Variants in SPRTN observed in about 807,000 individuals in gnomAD.
The protein encoded by SPRTN is SprT-like N-terminal domain.
In SPRTN, 11 loss-of-function variants were observed where a neutral mutation model predicts 31.9. The observed-to-expected ratio is 0.34, with a 90% confidence interval of 0.22 to 0.57. The LOEUF is 0.57. Among genes scored for constraint, SPRTN ranks in the 20% least tolerant of loss-of-function variants. The probability of loss-of-function intolerance (pLI) is 0.86; values close to 1 mark genes in which losing one functional copy is unlikely to be tolerated. For missense variants in SPRTN, 482 were observed against 590.1 expected (o/e 0.82, Z 1.90); for synonymous variants, 185 against 212.1 (o/e 0.87, Z 1.11).
Position 231,354,284 on chromosome 1 carries a change from T to C in SPRTN, c.*923T>C, listed in dbSNP as rs1389895454. On this transcript the variant is annotated 3_prime_UTR_variant, in exon 5 of 5. Coordinates refer to ENST00000295050, the MANE Select transcript of SPRTN (RefSeq NM_032018.7). Reference sequence around the variant, plus strand: ...TTTAAAAAAAATATTTTCCATGTTATAGGGAAAGGACAAAGAGACTTTTAT... The same window carrying C: ...TTTAAAAAAAATATTTTCCATGTTACAGGGAAAGGACAAAGAGACTTTTAT... The C allele has an allele frequency of 1.7e-5, 17 of 977,618 alleles. No homozygotes were observed. Among genetic ancestry groups the C allele is most frequent in the Non-Finnish European group, 1.9e-5 (16 of 822,836 alleles). The allele number at this position is 977,618 out of a possible 1,614,324, so 60.6% of individuals were successfully genotyped here.
intron 2 of SPRTN, among the ~76,000 whole-genome samples, chr1:231,346,257 C>T (rs984118434): frequency 3.0e-5 from 4 of 135,352 alleles, no homozygotes; most frequent in African/African-American, 1.1e-4. Context: ...GGTGCATTCT[C>T]GGCTCACTGC....
rs745997503 is a variant in SPRTN at position 231,354,337 on chromosome 1, C to T, written c.*976C>T. On this transcript the variant is annotated 3_prime_UTR_variant, in exon 5 of 5. Transcript: ENST00000295050. ...GTTTGCTTTTTGTCTTGTGGCTGTA[C>T]ATGCTGTTGGCATAGCCCTAACACA... The T allele has an allele frequency of 1.6e-5, 16 of 984,968 alleles. No homozygotes were observed. Among genetic ancestry groups the T allele is most frequent in the Non-Finnish European group, 1.8e-5 (15 of 829,600 alleles). The allele number at this position is 984,968 out of a possible 1,614,324, so 61.0% of individuals were successfully genotyped here. A position where few individuals can be genotyped will look rare whatever the true frequency, so the allele number is the denominator to read the frequency against.
chr1:231,346,958 T>C (rs1223647329), intron 2 of SPRTN, among the ~76,000 whole-genome samples: 1 of 152,008 alleles, frequency 6.6e-6, no homozygotes, highest in African/African-American at 2.4e-5. Context: ...AAAAGAATTT[T>C]AAAGTTTTTA....
Position 231,338,473 on chromosome 1 carries a change from G to A in SPRTN, c.90G>A (p.Ser30=), listed in dbSNP as rs750011921. The A allele has an allele frequency of 9.9e-6, 16 of 1,614,256 alleles. No homozygotes were observed. The highest frequency in any genetic ancestry group is 1.3e-5 in the Non-Finnish European group (15 of 1,180,040). Residue 30 remains serine (S), a synonymous_variant, in exon 1 of 5, where the codon TCG becomes TCA. Transcript: ENST00000295050. ...GCGATCATGCCCAGGAGTCCCTGTC[G>A]CTAGTGGACGCGTCGTGGGAGTTGG... ...AERDHAQESL[S]LVDASWELVD...
chr1:231,343,213 A>G (rs1263674784), intron 2 of SPRTN, among the ~76,000 whole-genome samples: 1 of 151,958 alleles, frequency 6.6e-6, no homozygotes, highest in Non-Finnish European at 1.5e-5. Flanking sequence ...GCCTAGGTAT[A>G]TACACTCTAT....
intron 1 of SPRTN, 43 bp downstream of exon 1, chr1:231,338,647 C>T (rs1474258128): frequency 2.5e-6 from 4 of 1,608,556 alleles, no homozygotes; most frequent in Non-Finnish European, 3.4e-6. Flanking sequence ...GGACTGGCAG[C>T]TTTCCTGCAG....
chr1:231,351,381 G>T lies in SPRTN; in HGVS notation c.528G>T (p.Arg176Ser). Residue 176 changes from arginine (R) to serine (S), a missense_variant, in exon 4 of 5, where the codon AGG (arginine) becomes AGT (serine). Arg to Ser is a moderately radical substitution (Grantham distance 110, BLOSUM62 -1). Transcript: ENST00000295050. The part of the protein sequence containing the change: ...WWRCNGPCQH[R>S]PPYYGYVKRA... ...GCTGCAATGGGCCGTGCCAGCACAG[G>T]CCACCGTATTACGGCTATGTCAAAC... The T allele has an allele frequency of 6.2e-7, 1 of 1,614,096 alleles. No homozygotes were observed. Among genetic ancestry groups the T allele is most frequent in the East Asian group, 2.2e-5 (1 of 44,874 alleles).
At position 231,353,196 on chromosome 1, in the gene SPRTN, G is replaced by C; in HGVS notation, c.1305G>C (p.Lys435Asn). 1 of 1,613,852 alleles carries C rather than the reference G, an allele frequency of 6.2e-7. No individual in the cohort carries two copies. The highest frequency in any genetic ancestry group is 1.7e-4 in the Middle Eastern group (1 of 6,058). Reference protein sequence around the residue: ...EQIKSSGNDPKYSTTTAQNSS... With the variant: ...EQIKSSGNDPNYSTTTAQNSS... The stretch of plus-strand genomic sequence containing the variant: ...TAAAAAGCAGTGGTAATGATCCAAA[G>C]TATAGTACAACCACAGCTCAGAATT... The change falls in exon 5 of 5, where the codon AAG (lysine) becomes AAC (asparagine). Residue 435 changes from lysine to asparagine, a missense_variant. Transcript: ENST00000295050.
chr1:231,339,862 T>C lies in SPRTN; in HGVS notation c.315T>C (p.Leu105=), dbSNP rs750346304. Residue 105 remains leucine (L), a synonymous_variant, in exon 2 of 5, where the codon CTT becomes CTC. Transcript: ENST00000295050. Reference sequence around the variant, plus strand: ...TGAAGTTGAGGCCAAGAAAGGATCTTGTAGAGGTATTTTTCGTGTAAACTT... The same window carrying C: ...TGAAGTTGAGGCCAAGAAAGGATCTCGTAGAGGTATTTTTCGTGTAAACTT... ...PLLKLRPRKD[L]VETLLHEMIH... The C allele has an allele frequency of 5.9e-5, 95 of 1,613,922 alleles. No individual in the cohort carries two copies. The South Asian group carries it at 9.3e-4, about 16-fold the overall frequency.
rs763864399 is a variant in SPRTN, at chr1:231,339,842, T to C, written c.295T>C (p.Leu99=). The change falls in exon 2 of 5, where the codon TTG becomes CTG. Residue 99 remains leucine, a synonymous_variant. Transcript: ENST00000295050. ...SIRLSEPLLK[L]RPRKDLVETL... The stretch of plus-strand genomic sequence containing the variant: ...CCGTCTCAGCGAACCCCTTTTGAAG[T>C]TGAGGCCAAGAAAGGATCTTGTAGA... 2.5e-6 allele frequency: 4 copies of C among 1,614,086 alleles called. No individual in the cohort carries two copies. The South Asian group carries it at 4.4e-5, about 18-fold the overall frequency.
In SPRTN at chr1:231,353,521, A is replaced by C. The variant is rs1385909128; in HGVS notation, c.*160A>C. 5 of 1,346,744 alleles carry C rather than the reference A, an allele frequency of 3.7e-6. No homozygotes were observed. Among genetic ancestry groups the C allele is most frequent in the Non-Finnish European group, 4.7e-6 (5 of 1,055,676 alleles). 83.4% of individuals were successfully genotyped at this position (1,346,744 alleles called of 1,614,324 possible). ...TTTATATATACGCATATAAGATTGT[A>C]ATTTTAAGATGTTTTGTGTCTCAGG... On this transcript the variant is annotated 3_prime_UTR_variant, in exon 5 of 5. Coordinates refer to ENST00000295050, the MANE Select transcript of SPRTN (RefSeq NM_032018.7).
chr1:231,353,023 T>C lies in SPRTN; in HGVS notation c.1132T>C (p.Ser378Pro). 1 of 1,614,162 alleles carries C rather than the reference T, an allele frequency of 6.2e-7. No individual in the cohort carries two copies. Among genetic ancestry groups the C allele is most frequent in the South Asian group, 1.1e-5 (1 of 91,086 alleles). The change falls in exon 5 of 5, where the codon TCC becomes CCC. Residue 378 changes from serine (S) to proline (P), a missense_variant. Around this residue, in one of 2 missense-constraint regions of SPRTN, gnomAD observed 325 missense variants for 350.2 expected, o/e 0.93. Coordinates refer to ENST00000295050, the MANE Select transcript of SPRTN (RefSeq NM_032018.7). The part of the protein sequence containing the change: ...SQRRVSSSKI[S>P]LRNSSKVTES... Reference sequence around the variant, plus strand: ...GAGAAGGGTTTCATCTTCTAAGATATCCCTAAGAAATTCTTCAAAAGTAAC... The same window carrying C: ...GAGAAGGGTTTCATCTTCTAAGATACCCCTAAGAAATTCTTCAAAAGTAAC...
At chr1:231,348,317 T>G (rs973414346) in intron 3 of SPRTN, among the ~76,000 whole-genome samples, 1 of 152,192 alleles carries the variant, frequency 6.6e-6, no homozygotes, top group Non-Finnish European at 1.5e-5. Flanking sequence ...CTGTATAGCA[T>G]TGTAGGAGAT....
intron 3 of SPRTN, 90 bp from the exon 4 acceptor site, chr1:231,351,214 A>T (rs1687218504): frequency 8.6e-7 from 1 of 1,169,472 alleles, no homozygotes; most frequent in Non-Finnish European, 1.1e-6. Context: ...TTAAAAAAAA[A>T]AAAAAAAAAA....
At position 231,354,923 on chromosome 1, in the gene SPRTN, C is replaced by T. The variant is rs1687347609; in HGVS notation, c.*1562C>T. ...AGTTTTAGTTGTTCACCATTCATAA[C>T]ACTGTTAGCAGCCCTTTTCGTTTTA... On this transcript the variant is annotated 3_prime_UTR_variant, in exon 5 of 5. Coordinates refer to ENST00000295050, the MANE Select transcript of SPRTN (RefSeq NM_032018.7). The T allele has an allele frequency of 6.0e-6, 5 of 831,276 alleles. No individual in the cohort carries two copies. The highest frequency in any genetic ancestry group is 6.2e-5 in the Admixed American group (1 of 16,044). 51.5% of individuals were successfully genotyped at this position (831,276 alleles called of 1,614,324 possible).
intron 2 of SPRTN, among the ~76,000 whole-genome samples, chr1:231,345,494 C>A (rs138295281): frequency 4.3e-4 from 65 of 152,298 alleles, no homozygotes; most frequent in African/African-American, 1.4e-3. Context: ...CCTTCTCATT[C>A]TTTTTTGTGG....
chr1:231,345,041 C>G (rs1687011555), intron 2 of SPRTN, among the ~76,000 whole-genome samples: 1 of 152,156 alleles, frequency 6.6e-6, no homozygotes, highest in Non-Finnish European at 1.5e-5. Context: ...TCCTCCTCCC[C>G]ACCATACAAA....
chr1:231,347,924 C>T lies in SPRTN; in HGVS notation c.449C>T (p.Thr150Met), dbSNP rs149759874. Residue 150 changes from threonine to methionine, a missense_variant and splice_region_variant, in exon 3 of 5, where the codon ACG becomes ATG. By Grantham distance (81) the Thr-to-Met change is moderately conservative. Transcript: ENST00000295050. ...RINSLTGANI[T>M]VYHTFHDEVD... is the part of the protein sequence containing the mutation. ...AACAGCCTGACTGGAGCCAATATAA[C>T]GGTATAGAAAGCCATATCTATTTAT... 138 of 1,609,192 alleles carry T rather than the reference C, an allele frequency of 8.6e-5. 1 individual carries two copies. The highest frequency in any genetic ancestry group is 4.2e-4 in the South Asian group (38 of 89,954).
rs1558368855 is a variant in SPRTN, at chr1:231,352,916, C to T, written c.1025C>T (p.Ala342Val). The T allele has an allele frequency of 6.2e-7, 1 of 1,613,996 alleles. No individual in the cohort carries two copies. Residue 342 changes from alanine to valine, a missense_variant, in exon 5 of 5, where the codon GCT (alanine) becomes GTT (valine). Ala to Val is a moderately conservative substitution (Grantham distance 64). This residue lies in a region of SPRTN where 325 missense variants were observed against 350.2 expected (regional missense o/e 0.93). Coordinates refer to ENST00000295050, the MANE Select transcript of SPRTN (RefSeq NM_032018.7). ...AGAGTATCATTTGCCAACCAAAAGG[C>T]TTTCAGAGGTGTGAATGGATCTCCA... is the stretch of plus-strand genomic sequence containing the variant. ...FPRVSFANQK[A>V]FRGVNGSPRI...
Sources: gnomAD v4.1 joint callset for allele counts (sites outside exome capture counted in the v4.1 genomes callset) on GRCh38, gnomAD v4.1.1 for gene constraint, gnomAD v4.1.1 regional missense constraint, MANE v1.5 for transcripts, NCBI Gene and HGNC (gene_info 2026-07-23, HGNC 2026-07-21) for gene names.